Variants in THAP5 observed in about 807,000 individuals in gnomAD.
THAP5 encodes THAP domain-containing protein 5.
A neutral mutation model predicts 34.0 loss-of-function variants in THAP5; 26 were observed. The observed-to-expected ratio is 0.77, with a 90% confidence interval of 0.56 to 1.06. The LOEUF (loss-of-function observed/expected upper bound fraction) is 1.06, where lower values mean the gene tolerates loss of function less well. THAP5 is among the 50% of genes least tolerant of loss of function. THAP5 has a pLI of 0.00. For synonymous variants in THAP5, 125 were observed against 153.0 expected (o/e 0.82, Z 1.35); for missense variants, 394 against 452.8 (o/e 0.87, Z 1.18).
At chr7:108,557,818 T>C (rs1250414532), downstream of THAP5, among the ~76,000 whole-genome samples, 1 of 152,210 alleles carries the variant, frequency 6.6e-6, no homozygotes, top group African/African-American at 2.4e-5. Flanking sequence ...CCACTCCTGG[T>C]ACCAATTTTC....
At chr7:108,553,792 C>G (rs1599006787), downstream of THAP5, among the ~76,000 whole-genome samples, 1 of 152,194 alleles carries the variant, frequency 6.6e-6, no homozygotes, top group African/African-American at 2.4e-5. Flanking sequence ...CAGCTCCATA[C>G]TCTTCCTAGC....
At chr7:108,566,888 A>T in intron 1 of THAP5, among the ~76,000 whole-genome samples, 1 of 152,188 alleles carries the variant, frequency 6.6e-6, no homozygotes, top group Admixed American at 6.5e-5. Flanking sequence ...AAGGTATACA[A>T]AACAATATTT....
At chr7:108,560,918 T>G (rs1171799459), downstream of THAP5, among the ~76,000 whole-genome samples, 1 of 152,076 alleles carries the variant, frequency 6.6e-6, no homozygotes, top group African/African-American at 2.4e-5. Flanking sequence ...TTAAATTTTT[T>G]GTAGAGATGG....
chr7:108,551,593 A>C (rs562067073), downstream of THAP5, among the ~76,000 whole-genome samples: 14 of 152,310 alleles, frequency 9.2e-5, no homozygotes, highest in African/African-American at 2.6e-4. Flanking sequence ...CTTTATTATT[A>C]ACTGCTCTTC....
chr7:108,568,579 CT>C (rs1422516742), intron 1 of THAP5: 5 of 154,656 alleles, frequency 3.2e-5, no homozygotes, highest in Non-Finnish European at 2.9e-5. Flanking sequence ...TCCTTCAGGT[CT>C]AAAGTAAAAT....
At chr7:108,547,210 T>C in the THAP5 span, among the ~76,000 whole-genome samples, 285 of 152,360 alleles carry the variant, frequency 1.9e-3, 4 homozygotes, top group Non-Finnish European at 4.3e-4. Flanking sequence ...CATCTTTTAA[T>C]ACCACACTGA....
At position 108,565,980 on chromosome 7, in the gene THAP5, C is replaced by A; in HGVS notation, c.123G>T (p.Lys41Asn). ...HDKERLEKWL[K>N]NMKRDSWVPS... The stretch of plus-strand genomic sequence containing the variant: ...GAACCCATGAATCTCGCTTCATATT[C>A]TTTAACCACTTTTCCAGTCTTTCTT... Residue 41 changes from lysine to asparagine, a missense_variant, in exon 2 of 3, where the codon AAG becomes AAT. By Grantham distance (94) the Lys-to-Asn change is moderately conservative. Coordinates refer to ENST00000415914, the MANE Select transcript of THAP5 (RefSeq NM_001130475.3). 2 of 1,543,952 alleles carry A rather than the reference C, an allele frequency of 1.3e-6. No individual in the cohort carries two copies. Among genetic ancestry groups the A allele is most frequent in the Non-Finnish European group, 1.7e-6 (2 of 1,144,548 alleles).
At chr7:108,566,868 G>C (rs1258888550) in intron 1 of THAP5, among the ~76,000 whole-genome samples, 1 of 152,104 alleles carries the variant, frequency 6.6e-6, no homozygotes, top group Non-Finnish European at 1.5e-5. Flanking sequence ...AATCTAAAAA[G>C]GTTTGGGTCA....
In THAP5 at chr7:108,564,630, T is replaced by C. The variant is rs755417592; in HGVS notation, c.749A>G (p.Asn250Ser). Residue 250 changes from asparagine (N) to serine (S), a missense_variant, in exon 3 of 3, where the codon AAT (asparagine) becomes AGT (serine). By Grantham distance (46) the Asn-to-Ser change is conservative. Coordinates refer to ENST00000415914, the MANE Select transcript of THAP5 (RefSeq NM_001130475.3). ...ATTAATTGTGCTGAATAAGAATGGA[T>C]TTTCCTGTGCTGACTTTATTTCCAT... The part of the protein sequence containing the change: ...NSMEIKSAQE[N>S]PFLFSTINQT... The C allele has an allele frequency of 1.2e-6, 2 of 1,614,008 alleles. No homozygotes were observed. Among genetic ancestry groups the C allele is most frequent in the Non-Finnish European group, 1.7e-6 (2 of 1,179,952 alleles).
downstream of THAP5, among the ~76,000 whole-genome samples, chr7:108,557,619 T>A (rs1564008211): frequency 6.6e-6 from 1 of 152,204 alleles, no homozygotes; most frequent in African/African-American, 2.4e-5. Context: ...TGAGACCTCC[T>A]CAGCCTGGAC....
At chr7:108,558,393 A>G (rs1346765176), downstream of THAP5, among the ~76,000 whole-genome samples, 18 of 124,054 alleles carry the variant, frequency 1.5e-4, no homozygotes, top group East Asian at 2.8e-4. Context: ...ATATATATAT[A>G]TATATATATA....
chr7:108,549,127 C>CACACACACACAT, the THAP5 span, among the ~76,000 whole-genome samples: 2 of 125,770 alleles, frequency 1.6e-5, no homozygotes, highest in Non-Finnish European at 3.4e-5. Flanking sequence ...CACACACACA[C>CACACACACACAT]AAGTACTTTT....
chr7:108,565,142 C>A (rs1457293015), intron 2 of THAP5, 37 bp from the exon 3 acceptor site: 2 of 1,424,100 alleles, frequency 1.4e-6, no homozygotes, highest in Non-Finnish European at 1.9e-6. Context: ...AAAAAGATGA[C>A]TTTTATTGGC....
chr7:108,565,271 T>C (rs933161352), intron 2 of THAP5, 166 bp from the exon 3 acceptor site: 5 of 524,666 alleles, frequency 9.5e-6, no homozygotes, highest in African/African-American at 1.9e-5. Flanking sequence ...AAAGCATTAA[T>C]CCCATTCAAT....
intron 2 of THAP5, 104 bp from the exon 3 acceptor site, chr7:108,565,209 T>G: frequency 1.1e-6 from 1 of 904,836 alleles, no homozygotes; most frequent in South Asian, 2.2e-5. Flanking sequence ...CCAAGCAAAT[T>G]TATTTAGTTA....
the THAP5 span, among the ~76,000 whole-genome samples, chr7:108,546,775 T>C: frequency 6.6e-6 from 1 of 152,192 alleles, no homozygotes; most frequent in African/African-American, 2.4e-5. Context: ...TTAAAAAGCT[T>C]TGTTTACAGT....
At chr7:108,548,113 TTACAC>T in the THAP5 span, among the ~76,000 whole-genome samples, 1 of 152,228 alleles carries the variant, frequency 6.6e-6, no homozygotes. Context: ...GTAGCATTAT[TTACAC>T]TACAATTCAA....
intron 1 of THAP5, among the ~76,000 whole-genome samples, chr7:108,567,269 C>T (rs1790506355): frequency 6.6e-6 from 1 of 152,148 alleles, no homozygotes; most frequent in South Asian, 2.1e-4. Context: ...GTAAGTATGA[C>T]AAGCATAACC....
downstream of THAP5, among the ~76,000 whole-genome samples, chr7:108,552,790 A>G (rs886852767): frequency 1.4e-4 from 16 of 112,742 alleles, no homozygotes; most frequent in Non-Finnish European, 1.8e-5. Context: ...AGAGAGCGAG[A>G]CTCTGTCTCA....
Sources: allele counts gnomAD v4.1 joint callset (sites outside exome capture counted in the v4.1 genomes callset), GRCh38; gene constraint gnomAD v4.1.1; transcripts MANE v1.5; gene names NCBI Gene and HGNC (gene_info 2026-07-23, HGNC 2026-07-21).